CCDC138: variants seen among roughly 807,000 people sequenced by gnomAD.
The protein encoded by CCDC138 is coiled-coil domain containing 138.
CCDC138 carries 66 observed loss-of-function variants against 82.3 expected under a neutral mutation model. That is an observed-to-expected ratio of 0.80 (90% CI 0.66 to 0.98). CCDC138 has a LOEUF of 0.98. CCDC138 is among the 50% of genes least tolerant of loss of function. CCDC138 has a pLI of 0.00. For synonymous variants in CCDC138, 297 were observed against 265.4 expected (o/e 1.12, Z -1.16); for missense variants, 816 against 758.9 (o/e 1.08, Z -0.88).
Position 108,788,105 on chromosome 2 carries a change from G to C in CCDC138, c.151+16G>C. 1.2e-6 allele frequency: 2 copies of C among 1,600,742 alleles called. No homozygotes were observed. Among genetic ancestry groups the C allele is most frequent in the South Asian group, 2.2e-5 (2 of 89,076 alleles). On this transcript the variant is annotated intron_variant, in intron 2 of 14. Transcript: ENST00000295124. Reference sequence around the variant, plus strand: ...ACCTCCCCAGGTAAGCCGGTATTTTGTATATTTGGGGGTTTCAAAAATTTA... The same window carrying C: ...ACCTCCCCAGGTAAGCCGGTATTTTCTATATTTGGGGGTTTCAAAAATTTA...
intron 9 of CCDC138, among the ~76,000 whole-genome samples, chr2:108,814,412 G>A (rs1464250366): frequency 5.3e-5 from 8 of 151,990 alleles, no homozygotes; most frequent in African/African-American, 1.4e-4. Flanking sequence ...AATTGAAAAG[G>A]TACAGACTTT....
At chr2:108,870,699 A>G (rs998718203) in intron 13 of CCDC138, among the ~76,000 whole-genome samples, 7 of 152,374 alleles carry the variant, frequency 4.6e-5, no homozygotes, top group East Asian at 3.9e-4. Context: ...CCTGGAAGAC[A>G]TTATGCTAAA....
At chr2:108,807,776 C>T (rs571617357) in intron 7 of CCDC138, among the ~76,000 whole-genome samples, 1 of 152,158 alleles carries the variant, frequency 6.6e-6, no homozygotes, top group South Asian at 2.1e-4. Context: ...CACCACCACA[C>T]CTGGCTAATT....
intron 10 of CCDC138, among the ~76,000 whole-genome samples, chr2:108,824,332 G>A (rs1375911601): frequency 6.6e-6 from 1 of 151,924 alleles, no homozygotes; most frequent in Non-Finnish European, 1.5e-5. Flanking sequence ...TTTATATCCT[G>A]TAAGTTTTTT....
intron 13 of CCDC138, among the ~76,000 whole-genome samples, chr2:108,865,236 C>A (rs1378387925): frequency 6.6e-6 from 1 of 152,044 alleles, no homozygotes; most frequent in East Asian, 1.9e-4. Context: ...TTTAAGCAGA[C>A]CACGATTGAT....
intron 2 of CCDC138, chr2:108,883,991 C>T (rs1696364796): frequency 6.6e-6 from 1 of 152,218 alleles, no homozygotes; most frequent in Non-Finnish European, 1.5e-5. Context: ...GGTCTTGGCT[C>T]ATTCTGGGCT....
At chr2:108,870,702 A>G (rs1417498306) in intron 13 of CCDC138, among the ~76,000 whole-genome samples, 1 of 152,256 alleles carries the variant, frequency 6.6e-6, no homozygotes, top group East Asian at 1.9e-4. Context: ...GGAAGACATT[A>G]TGCTAAATGA....
chr2:108,826,946 G>A (rs1686715309), intron 10 of CCDC138, among the ~76,000 whole-genome samples: 1 of 152,030 alleles, frequency 6.6e-6, no homozygotes, highest in African/African-American at 2.4e-5. Flanking sequence ...CAGGGTATAA[G>A]TTTTGTACTT....
chr2:108,825,505 T>C (rs1686418442), intron 10 of CCDC138, among the ~76,000 whole-genome samples: 2 of 152,184 alleles, frequency 1.3e-5, no homozygotes, highest in Non-Finnish European at 2.9e-5. Context: ...ACCACTAATC[T>C]GCTTTCTGTC....
chr2:108,812,557 G>A (rs1684048929), intron 7 of CCDC138, 74 bp from the exon 8 acceptor site: 3 of 1,059,600 alleles, frequency 2.8e-6, no homozygotes, highest in African/African-American at 1.6e-5. Context: ...AGATTAGATA[G>A]TAGATTGGGA....
At chr2:108,834,124 T>C (rs1238639930) in intron 10 of CCDC138, among the ~76,000 whole-genome samples, 1 of 151,686 alleles carries the variant, frequency 6.6e-6, no homozygotes, top group Non-Finnish European at 1.5e-5. Flanking sequence ...TTAATTGGGG[T>C]TCCAAGTGTT....
At chr2:108,809,489 A>G (rs890949614) in intron 7 of CCDC138, among the ~76,000 whole-genome samples, 8 of 140,680 alleles carry the variant, frequency 5.7e-5, no homozygotes, top group Admixed American at 1.4e-4. Flanking sequence ...TGTGTGTGTG[A>G]TCTTCAGTTT....
intron 11 of CCDC138, among the ~76,000 whole-genome samples, chr2:108,843,980 T>G (rs779122318): frequency 1.5e-5 from 2 of 134,136 alleles, no homozygotes; most frequent in African/African-American, 2.7e-5. Flanking sequence ...AGCCTCACCC[T>G]CCTGGGCTCA....
At chr2:108,806,040 C>G (rs1055649075) in intron 7 of CCDC138, among the ~76,000 whole-genome samples, 3 of 152,150 alleles carry the variant, frequency 2.0e-5, no homozygotes, top group African/African-American at 7.2e-5. Context: ...CTGTCCTTTT[C>G]TGTTTCTGCT....
In CCDC138 at chr2:108,798,854, T is replaced by C. The variant is rs1050138392; in HGVS notation, c.735+268T>C. ...ACACACACACACACACACACACACA[T>C]TTTTTCTGATCCATTTGAAAGCAGT... On this transcript the variant is annotated intron_variant, in intron 6 of 14. Transcript: ENST00000295124. Among the ~76,000 whole-genome samples the C allele has an allele frequency of 1.5e-4, 15 of 97,872 alleles. No individual in the cohort carries two copies. In the East Asian group the frequency reaches 2.3e-3, roughly 15 times the overall value. 64.2% of individuals were successfully genotyped at this position (97,872 alleles called of 152,430 possible).
rs201132350 is a variant in CCDC138 at position 108,861,472 on chromosome 2, CTTTTTTTTTTTT to C, written c.1693+4517_1693+4528del. Among the ~76,000 whole-genome samples the C allele has an allele frequency of 5.4e-4, 67 of 123,532 alleles. 1 individual carries two copies. Among genetic ancestry groups the C allele is most frequent in the African/African-American group, 2.3e-3 (59 of 25,886 alleles). The allele number at this position is 123,532 out of a possible 152,430, so 81.0% of individuals were successfully genotyped here. A position where few individuals can be genotyped will look rare whatever the true frequency, so the allele number is the denominator to read the frequency against. ...ACATTTAGCACTATAAACTTTCTTC[CTTTTTTTTTTTT>C]TTTTTTTTTTTTTTGAGATGGAGTC... On this transcript the variant is annotated intron_variant, in intron 13 of 14. Coordinates refer to ENST00000295124, the MANE Select transcript of CCDC138 (RefSeq NM_144978.3).
chr2:108,833,210 T>C (rs1460975101), intron 10 of CCDC138, among the ~76,000 whole-genome samples: 2 of 152,238 alleles, frequency 1.3e-5, no homozygotes, highest in African/African-American at 4.8e-5. Flanking sequence ...ATCTGTAGAC[T>C]ATACAACAGA....
intron 12 of CCDC138, among the ~76,000 whole-genome samples, chr2:108,855,515 A>G (rs751870381): frequency 6.6e-5 from 10 of 152,100 alleles, no homozygotes; most frequent in African/African-American, 9.7e-5. Flanking sequence ...GTTTCTAAAT[A>G]AGGCAAGTCT....
At chr2:108,819,940 CAA>C (rs1287054022) in intron 10 of CCDC138, among the ~76,000 whole-genome samples, 1 of 152,062 alleles carries the variant, frequency 6.6e-6, no homozygotes, top group Non-Finnish European at 1.5e-5. Flanking sequence ...AAAAACTAAG[CAA>C]AGTCAGGAAA....
Sources: gnomAD v4.1 joint callset for allele counts (sites outside exome capture counted in the v4.1 genomes callset) on GRCh38, gnomAD v4.1.1 for gene constraint, MANE v1.5 for transcripts, NCBI Gene and HGNC (gene_info 2026-07-23, HGNC 2026-07-21) for gene names.